Variants in PPP4R4 observed in about 807,000 individuals in gnomAD.
PPP4R4 encodes the protein protein phosphatase 4 regulatory subunit 4.
In PPP4R4, 70 loss-of-function variants were observed where a neutral mutation model predicts 121.8. That is an observed-to-expected ratio of 0.57 (90% confidence interval 0.47 to 0.70). The LOEUF (loss-of-function observed/expected upper bound fraction) is 0.70, where lower values mean the gene tolerates loss of function less well. Among genes scored for constraint, PPP4R4 ranks in the 30% least tolerant of loss-of-function variants. The pLI is 0.00. For synonymous variants in PPP4R4, 348 were observed against 355.7 expected (o/e 0.98, Z 0.24); for missense variants, 875 against 1,033.6 (o/e 0.85, Z 2.10).
chr14:94,196,044 G>T (rs1889850037), intron 2 of PPP4R4, among the ~76,000 whole-genome samples: 2 of 151,272 alleles, frequency 1.3e-5, no homozygotes, highest in South Asian at 4.2e-4. Context: ...TAAGTAACTT[G>T]CTTATTTTGC....
At chr14:94,247,246 A>G (rs1474660193) in intron 14 of PPP4R4, among the ~76,000 whole-genome samples, 1 of 152,244 alleles carries the variant, frequency 6.6e-6, no homozygotes, top group African/African-American at 2.4e-5. Flanking sequence ...GAAACATTCC[A>G]TGGCTCTGTG....
At chr14:94,246,985 A>G (rs971708671) in intron 14 of PPP4R4, among the ~76,000 whole-genome samples, 2 of 152,184 alleles carry the variant, frequency 1.3e-5, no homozygotes, top group African/African-American at 4.8e-5. Context: ...GCTTCCTACT[A>G]TAAGTTTGGT....
chr14:94,243,926 A>G (rs1190201670), intron 11 of PPP4R4, among the ~76,000 whole-genome samples: 2 of 152,174 alleles, frequency 1.3e-5, no homozygotes, highest in Non-Finnish European at 2.9e-5. Flanking sequence ...AGTCAAAAAC[A>G]ACCCTGTTAG....
At chr14:94,228,556 G>T (rs1011480974) in intron 3 of PPP4R4, among the ~76,000 whole-genome samples, 1 of 152,172 alleles carries the variant, frequency 6.6e-6, no homozygotes, top group Non-Finnish European at 1.5e-5. Context: ...AGAGGATTGA[G>T]AATACATTTC....
intron 7 of PPP4R4, among the ~76,000 whole-genome samples, chr14:94,234,965 C>A (rs897560521): frequency 2.0e-5 from 3 of 152,244 alleles, no homozygotes; most frequent in African/African-American, 7.2e-5. Context: ...ATTATTGGGT[C>A]ATTTCAGATG....
At chr14:94,272,387 G>A (rs1166348693) in intron 23 of PPP4R4, among the ~76,000 whole-genome samples, 1 of 152,112 alleles carries the variant, frequency 6.6e-6, no homozygotes, top group African/African-American at 2.4e-5. Flanking sequence ...TAACAAAGGA[G>A]CAAAGCCAAT....
intron 19 of PPP4R4, among the ~76,000 whole-genome samples, chr14:94,264,484 T>A (rs1417421528): frequency 6.6e-6 from 1 of 152,156 alleles, no homozygotes; most frequent in African/African-American, 2.4e-5. Context: ...ATAAAGCATT[T>A]AAAAATATCC....
Position 94,259,297 on chromosome 14 carries a change from T to G in PPP4R4, c.2055T>G (p.Phe685Leu), listed in dbSNP as rs913176675. The change falls in exon 19 of 25, where the codon TTT (phenylalanine) becomes TTG (leucine). Residue 685 changes from phenylalanine to leucine, a missense_variant and splice_region_variant. By Grantham distance (22) the Phe-to-Leu change is conservative. Transcript: ENST00000304338. ...LDRMEMSMDA[F>L]QKKFYEKDLL... ...ATTTCATTTTAAACTTTAAACAGTT[T>G]CAGAAAAAGTTTTATGAGAAAGATT... is the stretch of plus-strand genomic sequence containing the variant. The G allele has an allele frequency of 1.9e-6, 3 of 1,601,588 alleles. No homozygotes were observed. The African/African-American group carries it at 4.1e-5, about 22-fold the overall frequency.
chr14:94,263,162 C>G (rs1893869485), intron 19 of PPP4R4, among the ~76,000 whole-genome samples: 1 of 152,024 alleles, frequency 6.6e-6, no homozygotes, highest in Non-Finnish European at 1.5e-5. Flanking sequence ...ATATCATTCC[C>G]CAAATTTGGG....
At chr14:94,205,468 C>T (rs532837367) in intron 2 of PPP4R4, among the ~76,000 whole-genome samples, 2 of 151,812 alleles carry the variant, frequency 1.3e-5, no homozygotes, top group South Asian at 2.1e-4. Flanking sequence ...TGATTTTTAT[C>T]GATCTTTAAA....
rs775963775 is a variant in PPP4R4, at chr14:94,242,258, C to T, written c.1147-31C>T. The T allele has an allele frequency of 1.9e-6, 3 of 1,603,864 alleles. No individual in the cohort carries two copies. The East Asian group carries it at 6.7e-5, about 36-fold the overall frequency. On this transcript the variant is annotated intron_variant, in intron 10 of 24. Transcript: ENST00000304338. ...ATTGATGCATGTTTTTCTTTCCTTC[C>T]CACTCATCTCCTCCCTTCCACCTCC...
chr14:94,244,388 G>T (rs1340617566), intron 11 of PPP4R4, among the ~76,000 whole-genome samples: 2 of 152,070 alleles, frequency 1.3e-5, no homozygotes, highest in East Asian at 3.9e-4. Context: ...TAATGACTCT[G>T]GTAAATCCCA....
chr14:94,226,011 A>G (rs185914019), intron 3 of PPP4R4, among the ~76,000 whole-genome samples: 1 of 152,316 alleles, frequency 6.6e-6, no homozygotes, highest in East Asian at 1.9e-4. Context: ...GTTCTTTATC[A>G]TTCACATCCA....
chr14:94,221,175 A>G (rs1158910946), intron 3 of PPP4R4, among the ~76,000 whole-genome samples: 1 of 152,186 alleles, frequency 6.6e-6, no homozygotes. Flanking sequence ...ATGCTCAAAC[A>G]GTTTGAAAAA....
chr14:94,246,770 A>C (rs1312991239), intron 14 of PPP4R4, among the ~76,000 whole-genome samples: 2 of 152,156 alleles, frequency 1.3e-5, no homozygotes, highest in Admixed American at 1.3e-4. Context: ...ACTAGGTGGC[A>C]CTTTCACCTA....
In PPP4R4 at chr14:94,212,965, A is replaced by C. The variant is rs565578642; in HGVS notation, c.294+4399A>C. 5.9e-5 allele frequency among the ~76,000 whole-genome samples: 9 copies of C among 152,342 alleles called. No homozygotes were observed. The South Asian group carries it at 1.9e-3, about 32-fold the overall frequency. ...TTTGGCAACCATAAATTTGTCATAA[A>C]ATTATATAAAAGAAATCGAGCAATT... is the stretch of plus-strand genomic sequence containing the variant. On this transcript the variant is annotated intron_variant, in intron 3 of 24. Coordinates refer to ENST00000304338, the MANE Select transcript of PPP4R4 (RefSeq NM_058237.2).
At chr14:94,198,335 T>C (rs941533635) in intron 2 of PPP4R4, among the ~76,000 whole-genome samples, 3 of 152,220 alleles carry the variant, frequency 2.0e-5, no homozygotes, top group Non-Finnish European at 4.4e-5. Context: ...TTTTATATTT[T>C]CTTTGGTGAG....
At chr14:94,249,958 A>G (rs1309225372) in intron 14 of PPP4R4, among the ~76,000 whole-genome samples, 2 of 152,076 alleles carry the variant, frequency 1.3e-5, no homozygotes, top group African/African-American at 4.8e-5. Flanking sequence ...GGACATGACT[A>G]TGCCAAATTA....
At chr14:94,267,054 A>G (rs1192166288) in intron 23 of PPP4R4, 25 bp downstream of exon 23, 2 of 1,492,194 alleles carry the variant, frequency 1.3e-6, no homozygotes, top group African/African-American at 1.4e-5. Flanking sequence ...AAGTTCTTCA[A>G]AAAGTTGCTA....
Sources: gnomAD v4.1 joint callset for allele counts (sites outside exome capture counted in the v4.1 genomes callset) on GRCh38, gnomAD v4.1.1 for gene constraint, MANE v1.5 for transcripts, NCBI Gene and HGNC (gene_info 2026-07-23, HGNC 2026-07-21) for gene names.